ZNF644: variants seen among roughly 807,000 people sequenced by gnomAD.
The protein encoded by ZNF644 is zinc finger protein 644.
A neutral mutation model predicts 108.0 loss-of-function variants in ZNF644; 20 were observed. The observed-to-expected ratio is 0.19, with a 90% CI of 0.13 to 0.27. The LOEUF is 0.27. Ranked by LOEUF, ZNF644 falls within the 10% of genes least tolerant of loss-of-function variation. ZNF644 has a pLI of 1.00. For synonymous variants in ZNF644, 542 were observed against 539.1 expected, an observed-to-expected ratio of 1.01 and a Z score of -0.08; for missense variants, 1,338 against 1,548.9, an observed-to-expected ratio of 0.86 and a Z score of 2.29.
chr1:90,966,713 G>A (rs144889535), intron 2 of ZNF644, among the ~76,000 whole-genome samples: 1,686 of 139,724 alleles, frequency 0.012, 39 homozygotes, highest in African/African-American at 0.044. Flanking sequence ...TTGTACCACT[G>A]CACTCCAGTA....
rs767412980 is a variant in ZNF644, at chr1:90,938,072, G to A, written c.3101C>T (p.Thr1034Ile). 5 of 1,610,652 alleles carry A rather than the reference G, an allele frequency of 3.1e-6. No individual in the cohort carries two copies. The African/African-American group carries it at 6.7e-5, about 22-fold the overall frequency. The change falls in exon 4 of 6, where the codon ACC becomes ATC. Residue 1034 changes from threonine (T) to isoleucine (I), a missense_variant. Physicochemically the swap from Thr to Ile is moderately conservative, Grantham distance 89 (BLOSUM62 -1). Around this residue, in one of 6 missense-constraint regions of ZNF644, gnomAD observed 287 missense variants for 310.9 expected, o/e 0.92. Transcript: ENST00000337393. This position sits in a 1 kb window ranked among gnomAD's most constrained non-coding sequence, Gnocchi z 4.2. ...RVRKAIEKSE[T>I]TSEHTCQLCG... ...GAGCTGACAAGTGTGTTCAGAAGTG[G>A]TTTCAGACTTCTCTATAGCTAGAAA...
chr1:90,972,517 G>A (rs1655600699), intron 2 of ZNF644, among the ~76,000 whole-genome samples: 1 of 152,176 alleles, frequency 6.6e-6, no homozygotes, highest in Non-Finnish European at 1.5e-5. Flanking sequence ...CACTGTTGGT[G>A]GGAATGTCAA....
chr1:90,954,533 A>G (rs1336706197), intron 2 of ZNF644, among the ~76,000 whole-genome samples: 1 of 151,928 alleles, frequency 6.6e-6, no homozygotes, highest in Non-Finnish European at 1.5e-5. Context: ...CAGCCTCCTG[A>G]GTATCTGGGA....
At chr1:90,942,911 A>T (rs908909987) in intron 2 of ZNF644, among the ~76,000 whole-genome samples, 2 of 152,318 alleles carry the variant, frequency 1.3e-5, no homozygotes, top group South Asian at 4.1e-4. Flanking sequence ...TATTCCAGAT[A>T]TAATGGTAAA....
chr1:91,015,271 C>T (rs1195277351), intron 1 of ZNF644, among the ~76,000 whole-genome samples: 3 of 152,102 alleles, frequency 2.0e-5, no homozygotes, highest in Non-Finnish European at 4.4e-5. Flanking sequence ...GAACTGATAA[C>T]TTTAACACCA....
At chr1:90,976,821 A>C (rs1254614627) in intron 2 of ZNF644, among the ~76,000 whole-genome samples, 1 of 152,180 alleles carries the variant, frequency 6.6e-6, no homozygotes, top group African/African-American at 2.4e-5. Context: ...CCTAGATACC[A>C]AAATCCACAG....
chr1:90,992,147 AG>A (rs755843321), intron 1 of ZNF644, among the ~76,000 whole-genome samples: 8 of 152,238 alleles, frequency 5.3e-5, no homozygotes, highest in Non-Finnish European at 1.0e-4. Flanking sequence ...CTGGGCAAAC[AG>A]GAAGAATACC....
chr1:90,949,614 A>T (rs1447564002), intron 2 of ZNF644, among the ~76,000 whole-genome samples: 1 of 152,228 alleles, frequency 6.6e-6, no homozygotes, highest in Non-Finnish European at 1.5e-5. Flanking sequence ...ATAAAATTAC[A>T]AGAATAAAAA....
intron 1 of ZNF644, among the ~76,000 whole-genome samples, chr1:90,983,082 T>C (rs187880961): frequency 6.6e-6 from 1 of 152,250 alleles, no homozygotes; most frequent in East Asian, 1.9e-4. Flanking sequence ...ACACTCTACA[T>C]ATCTCCTCCT....
At chr1:90,995,292 GAAGA>G (rs1658044625) in intron 1 of ZNF644, among the ~76,000 whole-genome samples, 1 of 152,170 alleles carries the variant, frequency 6.6e-6, no homozygotes, top group South Asian at 2.1e-4. Flanking sequence ...AGAGATAGCA[GAAGA>G]AAGAATTGGT....
At chr1:90,943,208 G>A (rs918151175) in intron 2 of ZNF644, among the ~76,000 whole-genome samples, 11 of 152,096 alleles carry the variant, frequency 7.2e-5, no homozygotes, top group East Asian at 1.9e-4. Context: ...TTGGGAGGCC[G>A]AGGCGGGTGG....
Position 90,941,325 on chromosome 1 carries a change from A to C in ZNF644, c.45-16T>G, listed in dbSNP as rs1339871836. 1 of 1,593,228 alleles carries C rather than the reference A, an allele frequency of 6.3e-7. No homozygotes were observed. Among genetic ancestry groups the C allele is most frequent in the South Asian group, 1.2e-5 (1 of 86,214 alleles). On this transcript the variant is annotated splice_polypyrimidine_tract_variant and intron_variant, in intron 2 of 5. Transcript: ENST00000337393. Reference sequence around the variant, plus strand: ...CACATTTAGTCTAGAAAATGGAAAAAAAAAATTTAGATTTGCATGAAAGAA... The same window carrying C: ...CACATTTAGTCTAGAAAATGGAAAACAAAAATTTAGATTTGCATGAAAGAA...
rs573785873 is a variant in ZNF644 at position 90,930,521 on chromosome 1, C to T, written c.3688+6964G>A. Among the ~76,000 whole-genome samples, 5 of 152,210 alleles carry T rather than the reference C, an allele frequency of 3.3e-5. No homozygotes were observed. The East Asian group carries it at 9.7e-4, about 29-fold the overall frequency. On this transcript the variant is annotated intron_variant, in intron 4 of 5. Coordinates refer to ENST00000337393, the MANE Select transcript of ZNF644 (RefSeq NM_201269.3). The stretch of plus-strand genomic sequence containing the variant: ...GTTATGACATCTAAGATACTACTAC[C>T]ATTGGTCAGTACCAACCCCTAAGAG...
intron 1 of ZNF644, among the ~76,000 whole-genome samples, chr1:91,002,069 G>A (rs181532325): frequency 2.6e-5 from 4 of 152,296 alleles, no homozygotes; most frequent in East Asian, 1.9e-4. Context: ...CTCATGGATA[G>A]GAAGAATCAG....
chr1:90,920,339 C>T (rs1649293743), intron 4 of ZNF644, among the ~76,000 whole-genome samples: 1 of 151,890 alleles, frequency 6.6e-6, no homozygotes, highest in Non-Finnish European at 1.5e-5. Context: ...ATTATAACAA[C>T]CCTTAAAAAT....
Position 90,938,958 on chromosome 1 carries a change from C to A in ZNF644, c.2396G>T (p.Ser799Ile). ...AGCTACACGTCTGTGATCTTTGAAG[C>A]TTTCAGGCCTTTTGGCGTCAGGCTT... is the stretch of plus-strand genomic sequence containing the variant. ...PHKPDAKRPE[S>I]FKDHRRVAVK... Residue 799 changes from serine (S) to isoleucine (I), a missense_variant, in exon 3 of 6, where the codon AGC (serine) becomes ATC (isoleucine). Ser to Ile is a moderately radical substitution (Grantham distance 142). This residue lies in a region of ZNF644 where 462 missense variants were observed against 472.6 expected (regional missense o/e 0.98). Transcript: ENST00000337393. The surrounding 1 kb of genome is among the most constrained non-coding windows in gnomAD (Gnocchi z 4.2). The A allele has an allele frequency of 6.2e-7, 1 of 1,614,012 alleles. No individual in the cohort carries two copies. Among genetic ancestry groups the A allele is most frequent in the African/African-American group, 1.3e-5 (1 of 75,044 alleles).
intron 4 of ZNF644, among the ~76,000 whole-genome samples, chr1:90,929,216 G>T (rs1173741428): frequency 6.6e-6 from 1 of 152,142 alleles, no homozygotes; most frequent in African/African-American, 2.4e-5. Flanking sequence ...CCCTCAAAAG[G>T]AGGCTTAGAC....
At chr1:90,968,056 G>A (rs575322827) in intron 2 of ZNF644, among the ~76,000 whole-genome samples, 13 of 70,682 alleles carry the variant, frequency 1.8e-4, no homozygotes, top group Admixed American at 1.1e-3. Context: ...GTGAGACTCC[G>A]TCTCAAAAAA....
chr1:90,919,741 C>T (rs1649210576), intron 4 of ZNF644, among the ~76,000 whole-genome samples: 1 of 151,994 alleles, frequency 6.6e-6, no homozygotes, highest in South Asian at 2.1e-4. Flanking sequence ...AAGAGCCTCG[C>T]ATGTAGTAGG....
Sources: allele counts gnomAD v4.1 joint callset (sites outside exome capture counted in the v4.1 genomes callset), GRCh38; gene constraint gnomAD v4.1.1; regional missense constraint gnomAD v4.1.1; non-coding constraint Gnocchi (gnomAD v3.1); transcripts MANE v1.5; gene names NCBI Gene and HGNC (gene_info 2026-07-23, HGNC 2026-07-21).